The following CFAP91 variants were observed in gnomAD, a reference collection of about 807,000 sequenced individuals.
The protein encoded by CFAP91 is cilia- and flagella-associated protein 91.
CFAP91 carries 85 observed loss-of-function variants against 95.9 expected under a neutral mutation model. The observed-to-expected ratio is 0.89, with a 90% CI of 0.74 to 1.06. CFAP91 has a LOEUF of 1.06. Among genes scored for constraint, CFAP91 ranks in the 50% least tolerant of loss-of-function variants. The probability of loss-of-function intolerance (pLI) is 0.00; values close to 1 mark genes in which losing one functional copy is unlikely to be tolerated. For synonymous variants in CFAP91, 335 were observed against 327.5 expected (o/e 1.02, Z -0.25); for missense variants, 962 against 943.4 (o/e 1.02, Z -0.26).
At chr3:119,733,595 G>T in intron 10 of CFAP91, 89 bp downstream of exon 10, 1 of 1,356,772 alleles carries the variant, frequency 7.4e-7, no homozygotes. Context: ...ATGTCCAGTG[G>T]GTCAAACATA....
intron 10 of CFAP91, among the ~76,000 whole-genome samples, chr3:119,735,865 A>G (rs1468647709): frequency 6.6e-6 from 1 of 152,204 alleles, no homozygotes. Flanking sequence ...TAGATTAAAA[A>G]TAAGAACAAC....
At chr3:119,711,435 A>G (rs1277223389) in intron 5 of CFAP91, among the ~76,000 whole-genome samples, 5 of 152,228 alleles carry the variant, frequency 3.3e-5, no homozygotes, top group African/African-American at 1.2e-4. Flanking sequence ...TTTGGAGGTC[A>G]TAACTGCCTC....
intron 6 of CFAP91, among the ~76,000 whole-genome samples, chr3:119,716,109 T>C (rs1382298816): frequency 6.6e-6 from 1 of 152,242 alleles, no homozygotes; most frequent in Non-Finnish European, 1.5e-5. Flanking sequence ...GAATGCACAT[T>C]CCTATGTATG....
At chr3:119,703,437 G>A (rs1483231715) in intron 1 of CFAP91, among the ~76,000 whole-genome samples, 2 of 152,240 alleles carry the variant, frequency 1.3e-5, no homozygotes, top group African/African-American at 4.8e-5. Context: ...ATCGAAAGGC[G>A]CGGGTGCGCT....
At chr3:119,715,978 A>G in intron 6 of CFAP91, 1 of 595,406 alleles carries the variant, frequency 1.7e-6, no homozygotes, top group Non-Finnish European at 3.0e-6. Context: ...TTTCAGCTTA[A>G]TATTGCAGTT....
At chr3:119,726,425 C>T (rs2053785728) in intron 7 of CFAP91, 77 bp downstream of exon 7, 2 of 1,350,480 alleles carry the variant, frequency 1.5e-6, no homozygotes, top group South Asian at 1.5e-5. Context: ...GCAAAGCATT[C>T]TCCCAAATGT....
intron 17 of CFAP91, 50 bp downstream of exon 17, chr3:119,751,148 G>T (rs754506738): frequency 2.6e-6 from 4 of 1,548,186 alleles, no homozygotes; most frequent in Non-Finnish European, 3.5e-6. Context: ...GAAGAAAAGC[G>T]GCATTGTTCA....
intron 13 of CFAP91, among the ~76,000 whole-genome samples, chr3:119,742,792 A>G (rs986136037): frequency 6.6e-6 from 1 of 152,264 alleles, no homozygotes; most frequent in Non-Finnish European, 1.5e-5. Context: ...GGGGCCAACA[A>G]CCACACTTGA....
chr3:119,739,444 A>G, intron 12 of CFAP91, 118 bp downstream of exon 12: 1 of 890,788 alleles, frequency 1.1e-6, no homozygotes, highest in Non-Finnish European at 1.8e-6. Flanking sequence ...CTATTCAGCT[A>G]AACTCTTGAG....
chr3:119,747,264 G>C lies in CFAP91; in HGVS notation c.2051+1G>C. On this transcript the variant is annotated splice_donor_variant, in intron 15 of 17. Transcript: ENST00000273390. LOFTEE classifies it high-confidence loss of function. ...ACATTGCTTATGAAATGGAAAGCCG[G>C]TGTGTATCAAGAGAACAGATTGTAG... 1.2e-6 allele frequency: 2 copies of C among 1,612,632 alleles called. No individual in the cohort carries two copies. Among genetic ancestry groups the C allele is most frequent in the East Asian group, 2.2e-5 (1 of 44,854 alleles).
intron 17 of CFAP91, among the ~76,000 whole-genome samples, chr3:119,757,158 A>G (rs1001065961): frequency 6.6e-6 from 1 of 152,238 alleles, no homozygotes; most frequent in Non-Finnish European, 1.5e-5. Context: ...GGGACATGCC[A>G]TAAAGATAAA....
intron 6 of CFAP91, among the ~76,000 whole-genome samples, chr3:119,721,840 A>G (rs376534272): frequency 1.3e-5 from 2 of 152,228 alleles, no homozygotes; most frequent in East Asian, 1.9e-4. Flanking sequence ...AGAAGTCAAC[A>G]TACATCAGTC....
In CFAP91 at chr3:119,713,083, TTTTATTTATTTATTTA is replaced by T. The variant is rs199743132; in HGVS notation, c.501-2443_501-2428del. ...CTTTTTTAAAAAATTTTTATTTTAT[TTTTATTTATTTATTTA>T]TTTATTTATTTATTTATTTATTTAT... is the stretch of plus-strand genomic sequence containing the variant. On this transcript the variant is annotated intron_variant, in intron 5 of 17. Coordinates refer to ENST00000273390, the MANE Select transcript of CFAP91 (RefSeq NM_033364.4). 489 of 139,702 alleles carry T rather than the reference TTTTATTTATTTATTTA, an allele frequency of 3.5e-3. 2 individuals carry two copies. Among genetic ancestry groups the T allele is most frequent in the African/African-American group, 9.0e-3 (342 of 37,920 alleles). 8.7% of individuals were successfully genotyped at this position (139,702 alleles called of 1,614,324 possible). A position where few individuals can be genotyped will look rare whatever the true frequency, so the allele number is the denominator to read the frequency against.
At chr3:119,744,906 T>C (rs2054193121) in intron 14 of CFAP91, among the ~76,000 whole-genome samples, 1 of 152,152 alleles carries the variant, frequency 6.6e-6, no homozygotes, top group Admixed American at 6.5e-5. Flanking sequence ...AAATCAGAAC[T>C]TGCCATCCTT....
At chr3:119,749,969 T>C (rs1405714798) in intron 16 of CFAP91, among the ~76,000 whole-genome samples, 1 of 152,220 alleles carries the variant, frequency 6.6e-6, no homozygotes, top group Non-Finnish European at 1.5e-5. Flanking sequence ...TTTCAAGAGT[T>C]GTAGGTATAT....
intron 10 of CFAP91, among the ~76,000 whole-genome samples, chr3:119,736,536 A>G (rs1021002637): frequency 6.6e-6 from 1 of 151,892 alleles, no homozygotes; most frequent in Non-Finnish European, 1.5e-5. Flanking sequence ...TCGGCCTCCC[A>G]AAGTGCTGGG....
At chr3:119,712,131 G>C in intron 5 of CFAP91, among the ~76,000 whole-genome samples, 1 of 152,206 alleles carries the variant, frequency 6.6e-6, no homozygotes, top group East Asian at 1.9e-4. Flanking sequence ...ACCTTTCTGA[G>C]TTTGGGTCCT....
At chr3:119,706,784 T>C in intron 1 of CFAP91, 25 bp from the exon 2 acceptor site, 2 of 1,562,314 alleles carry the variant, frequency 1.3e-6, no homozygotes, top group East Asian at 2.2e-5. Context: ...CTATCTGTTA[T>C]GCTACTTGAT....
At chr3:119,714,146 A>C (rs2053529067) in intron 5 of CFAP91, among the ~76,000 whole-genome samples, 1 of 151,832 alleles carries the variant, frequency 6.6e-6, no homozygotes, top group Non-Finnish European at 1.5e-5. Flanking sequence ...GCGGATCACG[A>C]GGTCAGGAGA....
Sources: allele counts gnomAD v4.1 joint callset (sites outside exome capture counted in the v4.1 genomes callset), GRCh38; gene constraint gnomAD v4.1.1; transcripts MANE v1.5; gene names NCBI Gene and HGNC (gene_info 2026-07-23, HGNC 2026-07-21).